STIM1: variants seen among roughly 807,000 people sequenced by gnomAD.
STIM1 encodes stromal interaction molecule 1.
STIM1 carries 25 observed loss-of-function variants against 74.7 expected under a neutral mutation model. That is an observed-to-expected ratio of 0.33 (90% CI 0.24 to 0.47). STIM1 has a LOEUF of 0.47. STIM1 is among the 20% of genes least tolerant of loss of function. The probability of loss-of-function intolerance (pLI) is 1.00; values close to 1 mark genes in which losing one functional copy is unlikely to be tolerated. For synonymous variants in STIM1, 328 were observed against 348.8 expected, an observed-to-expected ratio of 0.94 and a Z score of 0.66; for missense variants, 728 against 920.8, an observed-to-expected ratio of 0.79 and a Z score of 2.71.
chr11:3,998,133 C>T (rs2093679263), intron 2 of STIM1, among the ~76,000 whole-genome samples: 2 of 152,088 alleles, frequency 1.3e-5, no homozygotes, highest in South Asian at 2.1e-4. Flanking sequence ...TTATTTTGTG[C>T]CAGGCACTAT....
At chr11:4,077,048 A>G (rs1179172534) in intron 7 of STIM1, among the ~76,000 whole-genome samples, 1 of 151,352 alleles carries the variant, frequency 6.6e-6, no homozygotes. Context: ...AAATATAAGA[A>G]CACAAAAAAA....
chr11:3,863,220 ATGTGTGTGTGTGTGTGTG>A lies in STIM1; in HGVS notation c.139+6841_139+6858del, dbSNP rs56737126. 1.4e-3 allele frequency among the ~76,000 whole-genome samples: 182 copies of A among 125,894 alleles called. 7 individuals are homozygous for A. The South Asian group carries it at 0.045, about 31-fold the overall frequency. The allele number at this position is 125,894 out of a possible 152,430, so 82.6% of individuals were successfully genotyped here. On this transcript the variant is annotated intron_variant, in intron 1 of 12. Coordinates refer to ENST00000526596, the MANE Select transcript of STIM1 (RefSeq NM_001382567.1). The stretch of plus-strand genomic sequence containing the variant: ...CACACGTATATATTTGAGACAATGC[ATGTGTGTGTGTGTGTGTG>A]TGTGTGTGTGTGTGTGTGTGTGTGT...
At chr11:3,962,559 G>A (rs1033011162) in intron 1 of STIM1, among the ~76,000 whole-genome samples, 4 of 151,890 alleles carry the variant, frequency 2.6e-5, no homozygotes, top group Non-Finnish European at 5.9e-5. Flanking sequence ...AAATAGTGCC[G>A]CAACAGACAT....
chr11:3,895,044 C>T (rs12294799), intron 1 of STIM1, among the ~76,000 whole-genome samples: 3,268 of 152,124 alleles, frequency 0.021, 114 homozygotes, highest in African/African-American at 0.072. Flanking sequence ...CCACCGCGCC[C>T]GGCCGACCCT....
intron 2 of STIM1, among the ~76,000 whole-genome samples, chr11:4,022,268 G>A (rs1299582808): frequency 2.0e-5 from 3 of 149,932 alleles, no homozygotes; most frequent in Non-Finnish European, 4.4e-5. Flanking sequence ...CCCAGGAGGT[G>A]GAGGTTGCAG....
intron 2 of STIM1, among the ~76,000 whole-genome samples, chr11:3,988,436 C>A (rs1385426696): frequency 6.6e-6 from 1 of 152,030 alleles, no homozygotes; most frequent in Non-Finnish European, 1.5e-5. Flanking sequence ...TACCGAAAAT[C>A]TAAAAAGCCA....
At chr11:4,028,440 G>T (rs1466431158) in intron 3 of STIM1, among the ~76,000 whole-genome samples, 1 of 134,902 alleles carries the variant, frequency 7.4e-6, no homozygotes, top group Non-Finnish European at 1.6e-5. Flanking sequence ...GTGGAGTCTT[G>T]CTCTGCTGCC....
intron 1 of STIM1, among the ~76,000 whole-genome samples, chr11:3,941,160 C>T (rs2093000095): frequency 6.6e-6 from 1 of 152,060 alleles, no homozygotes; most frequent in Non-Finnish European, 1.5e-5. Flanking sequence ...TTAAATGAAA[C>T]AAAACTTTTA....
At chr11:3,932,724 T>C (rs2092884357) in intron 1 of STIM1, among the ~76,000 whole-genome samples, 1 of 151,058 alleles carries the variant, frequency 6.6e-6, no homozygotes, top group Non-Finnish European at 1.5e-5. Context: ...TCTTGCCCCT[T>C]CTGCAGTGGG....
chr11:3,904,151 C>T (rs981543655), intron 1 of STIM1, among the ~76,000 whole-genome samples: 23 of 132,192 alleles, frequency 1.7e-4, no homozygotes, highest in Admixed American at 2.6e-4. Context: ...GAGCCGAGAT[C>T]GCTCCACTGT....
Position 4,092,020 on chromosome 11 carries a change from T to C in STIM1, c.*222T>C, listed in dbSNP as rs1230853435. On this transcript the variant is annotated 3_prime_UTR_variant, in exon 13 of 13. Transcript: ENST00000526596. The stretch of plus-strand genomic sequence containing the variant: ...GCCTGCCCTGCCTCCGTCCCAACCA[T>C]GGGCTGCTGCTGTCACTCCCTCTCC... The C allele has an allele frequency of 7.9e-6, 5 of 631,722 alleles. No individual in the cohort carries two copies. The highest frequency in any genetic ancestry group is 1.9e-5 in the South Asian group (1 of 52,780). 39.1% of individuals were successfully genotyped at this position (631,722 alleles called of 1,614,324 possible). A position where few individuals can be genotyped will look rare whatever the true frequency, so the allele number is the denominator to read the frequency against.
intron 1 of STIM1, among the ~76,000 whole-genome samples, chr11:3,931,475 C>CA (rs1313704444): frequency 6.6e-6 from 1 of 152,122 alleles, no homozygotes; most frequent in Non-Finnish European, 1.5e-5. Flanking sequence ...ATCTTGGACT[C>CA]AGTTTTTTGG....
chr11:4,068,476 G>A (rs892636141), intron 5 of STIM1, among the ~76,000 whole-genome samples: 61 of 152,302 alleles, frequency 4.0e-4, no homozygotes, highest in African/African-American at 1.4e-3. Context: ...CCAGGCTCTG[G>A]TAGTGGCTCT....
At chr11:4,038,276 C>A (rs951404785) in intron 3 of STIM1, among the ~76,000 whole-genome samples, 19 of 152,122 alleles carry the variant, frequency 1.2e-4, no homozygotes, top group African/African-American at 4.3e-4. Flanking sequence ...TTCAGGTGAT[C>A]CGCCTACCTC....
chr11:3,967,223 TC>T (rs1420152004), intron 1 of STIM1, among the ~76,000 whole-genome samples: 1 of 152,232 alleles, frequency 6.6e-6, no homozygotes, highest in Non-Finnish European at 1.5e-5. Context: ...CCAAATTTTT[TC>T]CTGTGTTCAT....
intron 2 of STIM1, among the ~76,000 whole-genome samples, chr11:4,004,111 A>G (rs2093751317): frequency 6.6e-6 from 1 of 152,238 alleles, no homozygotes; most frequent in African/African-American, 2.4e-5. Flanking sequence ...AAATGGAAGA[A>G]CATTCCATGC....
intron 1 of STIM1, among the ~76,000 whole-genome samples, chr11:3,875,659 G>A (rs189984950): frequency 1.7e-4 from 26 of 151,594 alleles, no homozygotes; most frequent in East Asian, 1.9e-4. Context: ...CTGGGAGGCC[G>A]AGGCTAAATT....
Position 3,856,352 on chromosome 11 carries a change from A to G in STIM1, c.82A>G (p.Ser28Gly). ...GGGCCAGAGCCTCAGCCATAGTCAC[A>G]GTGAGAAGGCGACAGGAACCAGCTC... ...HQGQSLSHSH[S>G]EKATGTSSGA... The change falls in exon 1 of 13, where the codon AGT (serine) becomes GGT (glycine). Residue 28 changes from serine (S) to glycine (G), a missense_variant. By Grantham distance (56) the Ser-to-Gly change is moderately conservative. Transcript: ENST00000526596. 1 of 1,614,198 alleles carries G rather than the reference A, an allele frequency of 6.2e-7. No individual in the cohort carries two copies. The highest frequency in any genetic ancestry group is 1.1e-5 in the South Asian group (1 of 91,088).
chr11:3,895,783 C>G (rs56192402), intron 1 of STIM1, among the ~76,000 whole-genome samples: 1 of 88,742 alleles, frequency 1.1e-5, no homozygotes, highest in Non-Finnish European at 2.0e-5. Context: ...TTCCTTCCTT[C>G]CTTCCTTCCT....
Sources: gnomAD v4.1 joint callset for allele counts (sites outside exome capture counted in the v4.1 genomes callset) on GRCh38, gnomAD v4.1.1 for gene constraint, MANE v1.5 for transcripts, NCBI Gene and HGNC (gene_info 2026-07-23, HGNC 2026-07-21) for gene names.